Variants in ADGRL3 observed in about 807,000 individuals in gnomAD.
ADGRL3 encodes calcium-independent alpha-latrotoxin receptor 3.
In ADGRL3, 62 loss-of-function variants were observed where a neutral mutation model predicts 153.5. The ratio of observed to expected loss-of-function variants is 0.40; its 90% confidence interval spans 0.33 to 0.50. ADGRL3 has a LOEUF of 0.50. Ranked by LOEUF, ADGRL3 falls within the 20% of genes least tolerant of loss-of-function variation. ADGRL3 has a pLI of 0.47. For synonymous variants in ADGRL3, 710 were observed against 672.5 expected, an observed-to-expected ratio of 1.06 and a Z score of -0.86; for missense variants, 1,641 against 1,859.4, an observed-to-expected ratio of 0.88 and a Z score of 2.16.
intron 13 of ADGRL3, among the ~76,000 whole-genome samples, chr4:61,917,917 G>T (rs2098752050): frequency 6.6e-6 from 1 of 152,166 alleles, no homozygotes; most frequent in East Asian, 1.9e-4. Context: ...TCAAGGCCCA[G>T]ATTCTGATAG....
chr4:61,589,930 A>G (rs1414199193), intron 5 of ADGRL3, among the ~76,000 whole-genome samples: 2 of 152,094 alleles, frequency 1.3e-5, no homozygotes, highest in Admixed American at 6.6e-5. Context: ...AATCTGATAT[A>G]TGGTCTAGAG....
intron 11 of ADGRL3, among the ~76,000 whole-genome samples, chr4:61,898,598 G>A (rs1018531396): frequency 1.3e-5 from 2 of 151,754 alleles, no homozygotes; most frequent in Admixed American, 6.6e-5. Context: ...GGGAAGACTG[G>A]AAGGCTAGAA....
chr4:61,851,593 A>G (rs1485845468), intron 9 of ADGRL3, among the ~76,000 whole-genome samples: 13 of 107,320 alleles, frequency 1.2e-4, no homozygotes, highest in Admixed American at 9.5e-4. Flanking sequence ...ATGTCTCAAA[A>G]AAAAAAAAAA....
intron 3 of ADGRL3, among the ~76,000 whole-genome samples, chr4:61,513,845 C>CCTT (rs889065020): frequency 6.6e-6 from 1 of 152,108 alleles, no homozygotes; most frequent in African/African-American, 2.4e-5. Context: ...GATGCATTGA[C>CCTT]CTTATTATAG....
chr4:61,449,230 G>A (rs936191688), intron 2 of ADGRL3, among the ~76,000 whole-genome samples: 2 of 151,982 alleles, frequency 1.3e-5, no homozygotes, highest in African/African-American at 4.8e-5. Flanking sequence ...CTGACTCCCT[G>A]GTTCAAGCAA....
intron 2 of ADGRL3, among the ~76,000 whole-genome samples, chr4:61,451,780 G>GAT (rs1384505674): frequency 1.3e-5 from 2 of 152,080 alleles, no homozygotes; most frequent in Non-Finnish European, 2.9e-5. Flanking sequence ...ACCTAGTTTT[G>GAT]ATATATTCTG....
chr4:61,511,623 A>G (rs1353147704), intron 3 of ADGRL3, among the ~76,000 whole-genome samples: 2 of 152,212 alleles, frequency 1.3e-5, no homozygotes, highest in African/African-American at 4.8e-5. Flanking sequence ...CCTAGTCTGA[A>G]GTGTAATTTC....
At chr4:61,500,754 C>T (rs540166486) in intron 3 of ADGRL3, among the ~76,000 whole-genome samples, 15 of 152,198 alleles carry the variant, frequency 9.9e-5, no homozygotes, top group African/African-American at 3.6e-4. Context: ...TGTTTTAGTT[C>T]ACTTAATATT....
intron 12 of ADGRL3, among the ~76,000 whole-genome samples, chr4:61,912,064 A>G (rs1369958386): frequency 6.6e-6 from 1 of 152,172 alleles, no homozygotes; most frequent in Non-Finnish European, 1.5e-5. Flanking sequence ...CAAAGTTTCT[A>G]TCATTTGTTT....
chr4:61,946,627 G>C (rs557495464), intron 15 of ADGRL3, among the ~76,000 whole-genome samples: 84 of 152,168 alleles, frequency 5.5e-4, no homozygotes, highest in African/African-American at 2.0e-3. Context: ...TTTTGTTCTA[G>C]AAGCCTTATG....
chr4:62,057,261 A>G (rs1457987521), intron 25 of ADGRL3, among the ~76,000 whole-genome samples: 15 of 152,300 alleles, frequency 9.8e-5, no homozygotes, highest in Non-Finnish European at 5.9e-5. Context: ...ATTACACTGA[A>G]CCATCCCAGA....
chr4:61,581,822 A>G (rs2098926876), intron 4 of ADGRL3, among the ~76,000 whole-genome samples: 1 of 152,088 alleles, frequency 6.6e-6, no homozygotes, highest in Non-Finnish European at 1.5e-5. Flanking sequence ...TTACATGTTC[A>G]GTCAGTCATC....
chr4:61,566,148 C>A (rs1215398725), intron 4 of ADGRL3, among the ~76,000 whole-genome samples: 1 of 152,006 alleles, frequency 6.6e-6, no homozygotes, highest in Non-Finnish European at 1.5e-5. Flanking sequence ...TATTATCTCA[C>A]AGTTCTGTAA....
chr4:62,014,766 A>G (rs1309704127), intron 21 of ADGRL3, among the ~76,000 whole-genome samples: 2 of 152,198 alleles, frequency 1.3e-5, no homozygotes, highest in African/African-American at 2.4e-5. Context: ...AAGTTACCAC[A>G]GATGATCACT....
At chr4:61,406,102 C>T (rs746645505) in intron 2 of ADGRL3, among the ~76,000 whole-genome samples, 6 of 151,858 alleles carry the variant, frequency 4.0e-5, no homozygotes, top group Non-Finnish European at 7.4e-5. Flanking sequence ...TATCTACTGT[C>T]TGTGTATGCA....
chr4:62,039,670 G>C (rs75627397), intron 24 of ADGRL3, among the ~76,000 whole-genome samples: 3,986 of 152,176 alleles, frequency 0.026, 185 homozygotes, highest in African/African-American at 0.092. Context: ...TTTCACATAA[G>C]AGTGGGGGCA....
At chr4:61,232,770 G>A (rs1751280016) in intron 1 of ADGRL3, among the ~76,000 whole-genome samples, 1 of 152,104 alleles carries the variant, frequency 6.6e-6, no homozygotes, top group African/African-American at 2.4e-5. Flanking sequence ...TAGAAAATGT[G>A]CTTTAAGGTA....
intron 8 of ADGRL3, among the ~76,000 whole-genome samples, chr4:61,736,611 TTG>T (rs565522575): frequency 1.5e-3 from 231 of 152,194 alleles, no homozygotes; most frequent in Non-Finnish European, 2.6e-3. Context: ...CGAGCTGAGG[TTG>T]TGCCACTGCA....
At chr4:61,653,686 G>C (rs2094348685) in intron 5 of ADGRL3, among the ~76,000 whole-genome samples, 2 of 152,070 alleles carry the variant, frequency 1.3e-5, no homozygotes, top group South Asian at 4.1e-4. Context: ...AGATTTATTT[G>C]ATTAACCTTT....
Sources: gnomAD v4.1 joint callset for allele counts (sites outside exome capture counted in the v4.1 genomes callset) on GRCh38, gnomAD v4.1.1 for gene constraint, MANE v1.5 for transcripts, NCBI Gene and HGNC (gene_info 2026-07-23, HGNC 2026-07-21) for gene names.